Variants in CSGALNACT1 observed in about 807,000 individuals in gnomAD.
The protein encoded by CSGALNACT1 is chondroitin sulfate N-acetylgalactosaminyltransferase 1.
In CSGALNACT1, 52 loss-of-function variants were observed where a neutral mutation model predicts 51.0. The observed-to-expected ratio is 1.02, with a 90% CI of 0.82 to 1.29. The LOEUF (loss-of-function observed/expected upper bound fraction) is 1.29. CSGALNACT1 is among the 50% of genes most tolerant of loss of function. The pLI, the probability that CSGALNACT1 is intolerant of heterozygous loss-of-function variation, is 0.00. For synonymous variants in CSGALNACT1, 341 were observed against 254.4 expected, an observed-to-expected ratio of 1.34 and a Z score of -3.24; for missense variants, 935 against 679.2, an observed-to-expected ratio of 1.38 and a Z score of -4.19.
chr8:19,534,668 C>T (rs1443933470), intron 3 of CSGALNACT1, among the ~76,000 whole-genome samples: 6 of 151,960 alleles, frequency 3.9e-5, no homozygotes, highest in African/African-American at 9.7e-5. Flanking sequence ...AGACGGGAAT[C>T]GAAAACCGAA....
intron 5 of CSGALNACT1, chr8:19,457,706 T>C: frequency 7.5e-7 from 1 of 1,329,100 alleles, no homozygotes; most frequent in Non-Finnish European, 9.9e-7. Context: ...TGAAATCACT[T>C]AGCTGGTTAT....
chr8:19,436,315 G>A (rs906781765), intron 6 of CSGALNACT1, among the ~76,000 whole-genome samples: 20 of 152,148 alleles, frequency 1.3e-4, no homozygotes, highest in African/African-American at 4.6e-4. Context: ...GCATATTAGA[G>A]TGAACAGGTG....
intron 4 of CSGALNACT1, chr8:19,494,910 G>GGGT (rs1587194968): frequency 6.6e-6 from 1 of 151,768 alleles, no homozygotes. Context: ...CAGGAGGGTC[G>GGGT]GGTAGGATTT....
chr8:19,609,434 T>A (rs2051872266), intron 1 of CSGALNACT1, among the ~76,000 whole-genome samples: 1 of 151,120 alleles, frequency 6.6e-6, no homozygotes, highest in Non-Finnish European at 1.5e-5. Context: ...TTCAATGTGT[T>A]TTCATTCCAC....
intron 3 of CSGALNACT1, among the ~76,000 whole-genome samples, chr8:19,526,356 A>C (rs1038802803): frequency 3.3e-5 from 5 of 152,216 alleles, no homozygotes; most frequent in Admixed American, 3.3e-4. Flanking sequence ...AAGCTGAGGC[A>C]GGCAGATCAC....
intron 1 of CSGALNACT1, among the ~76,000 whole-genome samples, chr8:19,617,624 G>A (rs568502112): frequency 1.4e-4 from 22 of 152,262 alleles, no homozygotes; most frequent in Admixed American, 1.2e-3. Context: ...AAAAGAATGT[G>A]CCAAGTGCCC....
intron 3 of CSGALNACT1, among the ~76,000 whole-genome samples, chr8:19,511,478 T>C (rs1284180908): frequency 6.6e-6 from 1 of 152,354 alleles, no homozygotes; most frequent in East Asian, 1.9e-4. Context: ...GTGGAAAGGA[T>C]TCTTATTCAG....
intron 3 of CSGALNACT1, among the ~76,000 whole-genome samples, chr8:19,516,423 C>G (rs554556202): frequency 3.2e-4 from 48 of 152,240 alleles, no homozygotes; most frequent in Non-Finnish European, 5.7e-4. Flanking sequence ...ATTCTACACC[C>G]AGCGTGTCCA....
chr8:19,509,406 G>A (rs751711980), intron 3 of CSGALNACT1, among the ~76,000 whole-genome samples: 1 of 151,984 alleles, frequency 6.6e-6, no homozygotes, highest in Non-Finnish European at 1.5e-5. Context: ...GATCATTTAA[G>A]GTCAGGAGTT....
At chr8:19,601,069 CTTGTT>C (rs1476231333) in intron 2 of CSGALNACT1, among the ~76,000 whole-genome samples, 4 of 152,090 alleles carry the variant, frequency 2.6e-5, no homozygotes, top group Non-Finnish European at 5.9e-5. Context: ...TTTTACAGTA[CTTGTT>C]TTATTTTGTA....
chr8:19,717,636 C>A (rs903885671), intron 1 of CSGALNACT1, among the ~76,000 whole-genome samples: 1 of 152,200 alleles, frequency 6.6e-6, no homozygotes. Context: ...AGCTAATACG[C>A]CCTATTCGGG....
At chr8:19,458,565 G>A (rs771921269) in exon 5 of CSGALNACT1, 29 of 1,614,096 alleles carry the variant, frequency 1.8e-5, no homozygotes, top group African/African-American at 4.0e-5. Flanking sequence ...AAGATGAGCC[G>A]TTTGAATTCG....
chr8:19,748,054 C>CA (rs5889886), intron 1 of CSGALNACT1, among the ~76,000 whole-genome samples: 52,912 of 151,546 alleles, frequency 0.35, 9,442 homozygotes, highest in African/African-American at 0.42. Context: ...TAAACGTACT[C>CA]AAAAAAAATC....
chr8:19,649,688 C>A (rs17128792), intron 1 of CSGALNACT1, among the ~76,000 whole-genome samples: 1 of 151,756 alleles, frequency 6.6e-6, no homozygotes, highest in Non-Finnish European at 1.5e-5. Flanking sequence ...AACCCACTAT[C>A]AAGCCTACTG....
At chr8:19,536,355 A>G (rs943075119) in intron 3 of CSGALNACT1, among the ~76,000 whole-genome samples, 1 of 149,932 alleles carries the variant, frequency 6.7e-6, no homozygotes, top group African/African-American at 2.5e-5. Flanking sequence ...TAAAAAAAAC[A>G]AATGCATCTC....
chr8:19,436,183 A>T (rs570004994), intron 6 of CSGALNACT1, among the ~76,000 whole-genome samples: 2 of 152,264 alleles, frequency 1.3e-5, no homozygotes, highest in Non-Finnish European at 2.9e-5. Flanking sequence ...ATTAAAGTAC[A>T]TGCATTTAGC....
intron 3 of CSGALNACT1, among the ~76,000 whole-genome samples, chr8:19,575,835 A>C (rs1329832866): frequency 6.6e-6 from 1 of 152,180 alleles, no homozygotes; most frequent in Admixed American, 6.5e-5. Context: ...AGATTGGAAA[A>C]ATGTTAATCA....
intron 4 of CSGALNACT1, among the ~76,000 whole-genome samples, chr8:19,503,487 T>C (rs775442194): frequency 4.2e-4 from 64 of 152,318 alleles, no homozygotes; most frequent in Middle Eastern, 3.4e-3. Flanking sequence ...TTGCAGACAC[T>C]GATTTGCAAT....
chr8:19,439,779 T>G, intron 6 of CSGALNACT1, 51 bp downstream of exon 5: 1 of 1,397,440 alleles, frequency 7.2e-7, no homozygotes, highest in Non-Finnish European at 1.0e-6. Context: ...GGATGTGTGC[T>G]TCTGAGCTCA....
Sources: gnomAD v4.1 joint callset for allele counts (sites outside exome capture counted in the v4.1 genomes callset) on GRCh38, gnomAD v4.1.1 for gene constraint, MANE v1.5 for transcripts, NCBI Gene and HGNC (gene_info 2026-07-23, HGNC 2026-07-21) for gene names.